Variants in XRCC4 observed in about 807,000 individuals in gnomAD.
The protein encoded by XRCC4 is DNA repair protein XRCC4.
A neutral mutation model predicts 39.1 loss-of-function variants in XRCC4; 28 were observed. The observed-to-expected ratio is 0.72, with a 90% CI of 0.53 to 0.98. The LOEUF (loss-of-function observed/expected upper bound fraction) is 0.98, where lower values mean the gene tolerates loss of function less well. XRCC4 is among the 50% of genes least tolerant of loss of function. The pLI, the probability that XRCC4 is intolerant of heterozygous loss-of-function variation, is 0.00. For synonymous variants in XRCC4, 123 were observed against 126.4 expected (o/e 0.97, Z 0.18); for missense variants, 350 against 376.4 (o/e 0.93, Z 0.58).
chr5:83,098,746 A>G (rs1414065771), intron 1 of XRCC4, among the ~76,000 whole-genome samples: 2 of 152,176 alleles, frequency 1.3e-5, no homozygotes, highest in Non-Finnish European at 2.9e-5. Context: ...TGAAAATACT[A>G]GCAATAAATT....
intron 1 of XRCC4, among the ~76,000 whole-genome samples, chr5:83,083,683 G>A (rs946258243): frequency 6.6e-6 from 1 of 152,100 alleles, no homozygotes; most frequent in East Asian, 1.9e-4. Context: ...ACAGGCATGA[G>A]CCACCGCATT....
At chr5:83,366,342 C>T in the XRCC4 span, among the ~76,000 whole-genome samples, 16 of 152,230 alleles carry the variant, frequency 1.1e-4, no homozygotes, top group East Asian at 5.8e-4. Context: ...CAAAACAAGA[C>T]GGATCCTTGA....
chr5:83,161,679 T>C lies in XRCC4; in HGVS notation c.316-34091T>C, dbSNP rs569198164. 3.9e-5 allele frequency among the ~76,000 whole-genome samples: 6 copies of C among 152,334 alleles called. No homozygotes were observed. The South Asian group carries it at 1.2e-3, about 32-fold the overall frequency. ...GGAATAGATTGCTGCAAGTTACTCA[T>C]GAAATACTGTTCTCTCCTTCAATCA... On this transcript the variant is annotated intron_variant, in intron 3 of 7. Coordinates refer to ENST00000396027, the MANE Select transcript of XRCC4 (RefSeq NM_003401.5).
At chr5:83,155,698 AAAG>A (rs1748925145) in intron 3 of XRCC4, among the ~76,000 whole-genome samples, 1 of 152,120 alleles carries the variant, frequency 6.6e-6, no homozygotes, top group Non-Finnish European at 1.5e-5. Context: ...AGAATATAAT[AAAG>A]AATAATTTCA....
rs76552077 is a variant in XRCC4 at position 83,277,337 on chromosome 5, G to A, written c.893+18660G>A. The stretch of plus-strand genomic sequence containing the variant: ...CAAGTTTTGATTAAAAGTGACATGT[G>A]TAACTTCTGAGCCAGAGAACTTTCT... On this transcript the variant is annotated intron_variant, in intron 7 of 7. Coordinates refer to ENST00000396027, the MANE Select transcript of XRCC4 (RefSeq NM_003401.5). Among the ~76,000 whole-genome samples the A allele has an allele frequency of 3.7e-3, 557 of 152,310 alleles. 12 individuals carry two copies. In the East Asian group the frequency reaches 0.072, roughly 20 times the overall value.
chr5:83,100,245 T>A (rs924259255), intron 1 of XRCC4, among the ~76,000 whole-genome samples: 1 of 152,118 alleles, frequency 6.6e-6, no homozygotes, highest in Non-Finnish European at 1.5e-5. Flanking sequence ...AATAATAGAA[T>A]CTTTAAAATA....
At chr5:83,090,487 A>G (rs1414061182) in intron 1 of XRCC4, among the ~76,000 whole-genome samples, 4 of 152,098 alleles carry the variant, frequency 2.6e-5, no homozygotes, top group Admixed American at 6.5e-5. Context: ...GTTTTTTTCC[A>G]TATAAATTAC....
At position 83,187,179 on chromosome 5, in the gene XRCC4, A is replaced by C. The variant is rs1397285217; in HGVS notation, c.316-8591A>C. 2.3e-5 allele frequency among the ~76,000 whole-genome samples: 3 copies of C among 132,928 alleles called. 1 individual carries two copies. The highest frequency in any genetic ancestry group is 4.9e-5 in the Non-Finnish European group (3 of 61,252). 87.2% of individuals were successfully genotyped at this position (132,928 alleles called of 152,430 possible). On this transcript the variant is annotated intron_variant, in intron 3 of 7. Transcript: ENST00000396027. ...AGGATGGTCTCGATCTCCTGACCTC[A>C]TGATCCGCCCGCCTCTGCCTCCCAA... is the stretch of plus-strand genomic sequence containing the variant.
At chr5:83,213,830 G>T (rs1388946604) in intron 6 of XRCC4, among the ~76,000 whole-genome samples, 1 of 152,090 alleles carries the variant, frequency 6.6e-6, no homozygotes, top group Non-Finnish European at 1.5e-5. Flanking sequence ...CTAGCAAAAA[G>T]CAACCAGCTC....
At chr5:83,340,976 A>T (rs1370012771) in intron 7 of XRCC4, among the ~76,000 whole-genome samples, 1 of 152,008 alleles carries the variant, frequency 6.6e-6, no homozygotes, top group Non-Finnish European at 1.5e-5. Context: ...GTTTTCCTTA[A>T]CTGGACCACT....
intron 6 of XRCC4, among the ~76,000 whole-genome samples, chr5:83,237,658 G>T (rs1752741988): frequency 6.6e-6 from 1 of 151,996 alleles, no homozygotes; most frequent in African/African-American, 2.4e-5. Flanking sequence ...AAAATCTAAT[G>T]TTCAGTAGTA....
intron 7 of XRCC4, among the ~76,000 whole-genome samples, chr5:83,335,262 A>T (rs2112180561): frequency 6.6e-6 from 1 of 151,964 alleles, no homozygotes; most frequent in East Asian, 1.9e-4. Flanking sequence ...TGGTGGCCTG[A>T]TATAGCAATC....
intron 7 of XRCC4, among the ~76,000 whole-genome samples, chr5:83,267,736 G>A (rs1409768332): frequency 6.6e-6 from 1 of 152,144 alleles, no homozygotes; most frequent in African/African-American, 2.4e-5. Context: ...TGAAGCCATG[G>A]TGGTGGTTTG....
At chr5:83,354,911 A>G (rs1757172865), downstream of XRCC4, among the ~76,000 whole-genome samples, 1 of 152,070 alleles carries the variant, frequency 6.6e-6, no homozygotes, top group South Asian at 2.1e-4. Context: ...TTCTCCTACA[A>G]TGAGGCCAAA....
At chr5:83,363,317 G>A in the XRCC4 span, among the ~76,000 whole-genome samples, 4 of 152,018 alleles carry the variant, frequency 2.6e-5, no homozygotes, top group African/African-American at 9.7e-5. Context: ...TGAACCCCAG[G>A]GCTGAGAAGA....
At chr5:83,181,289 G>A (rs1228232589) in intron 3 of XRCC4, among the ~76,000 whole-genome samples, 1 of 151,530 alleles carries the variant, frequency 6.6e-6, no homozygotes, top group African/African-American at 2.4e-5. Context: ...ATTTTATTAT[G>A]ACTCTTTAAA....
chr5:83,250,754 G>A (rs190314107), intron 6 of XRCC4, among the ~76,000 whole-genome samples: 6 of 152,240 alleles, frequency 3.9e-5, no homozygotes, highest in African/African-American at 1.4e-4. Flanking sequence ...TTTGGAAAAT[G>A]TACTTCAGGG....
At chr5:83,326,290 C>A (rs1229344478) in intron 7 of XRCC4, among the ~76,000 whole-genome samples, 1 of 152,008 alleles carries the variant, frequency 6.6e-6, no homozygotes, top group African/African-American at 2.4e-5. Flanking sequence ...GCTTTTGTTG[C>A]AATTGCTTTT....
At chr5:83,098,957 A>G (rs1403118204) in intron 1 of XRCC4, among the ~76,000 whole-genome samples, 2 of 152,130 alleles carry the variant, frequency 1.3e-5, no homozygotes, top group African/African-American at 2.4e-5. Flanking sequence ...TTTTCTAGCA[A>G]TTATATATGT....
Sources: allele counts gnomAD v4.1 joint callset (sites outside exome capture counted in the v4.1 genomes callset), GRCh38; gene constraint gnomAD v4.1.1; transcripts MANE v1.5; gene names NCBI Gene and HGNC (gene_info 2026-07-23, HGNC 2026-07-21).